TMEM232: variants seen among roughly 807,000 people sequenced by gnomAD.
TMEM232 encodes the protein transmembrane protein 232.
In TMEM232, 80 loss-of-function variants were observed where a neutral mutation model predicts 78.8. The observed-to-expected ratio is 1.01, with a 90% confidence interval of 0.85 to 1.22. The LOEUF is 1.22. TMEM232 is among the 50% of genes most tolerant of loss of function. TMEM232 has a pLI of 0.00. For missense variants in TMEM232, 881 were observed against 742.2 expected (o/e 1.19, Z -2.17); for synonymous variants, 297 against 254.3 (o/e 1.17, Z -1.60).
chr5:110,482,018 A>AT (rs568265931), intron 12 of TMEM232, among the ~76,000 whole-genome samples: 1 of 152,112 alleles, frequency 6.6e-6, no homozygotes, highest in Non-Finnish European at 1.5e-5. Context: ...CAAACTAAAA[A>AT]TTTTTTTAAT....
At position 110,627,891 on chromosome 5, in the gene TMEM232, A is replaced by T; in HGVS notation, c.502-11T>A. ...GACCAAATAGCCAATCTGTCAAAAG[A>T]GAAAAGAAAAATACATTTTTGTGTT... On this transcript the variant is annotated splice_polypyrimidine_tract_variant and intron_variant, in intron 5 of 13. Coordinates refer to ENST00000455884, the MANE Select transcript of TMEM232 (RefSeq NM_001039763.4). The T allele has an allele frequency of 6.7e-7, 1 of 1,481,516 alleles. No homozygotes were observed. 91.8% of individuals were successfully genotyped at this position (1,481,516 alleles called of 1,614,324 possible). A position where few individuals can be genotyped will look rare whatever the true frequency, so the allele number is the denominator to read the frequency against.
chr5:110,666,755 A>T (rs1029261265), intron 2 of TMEM232: 1 of 152,766 alleles, frequency 6.5e-6, no homozygotes, highest in African/African-American at 2.4e-5. Flanking sequence ...GGACAAGGAT[A>T]GCACAGAAAA....
At chr5:110,710,405 A>G (rs1796352566) in intron 1 of TMEM232, among the ~76,000 whole-genome samples, 1 of 152,148 alleles carries the variant, frequency 6.6e-6, no homozygotes, top group East Asian at 1.9e-4. Context: ...TGAGGCCAGT[A>G]TTACTCTCAC....
At position 110,667,213 on chromosome 5, in the gene TMEM232, T is replaced by C. The variant is rs1390977345; in HGVS notation, c.125+15A>G. On this transcript the variant is annotated intron_variant, in intron 2 of 13. Transcript: ENST00000455884. ...CTACAATACATATGGGTCCTATAATTATTTTCTAGCTTACCTTGATTTATG... is the reference window on the plus strand; with the variant it reads ...CTACAATACATATGGGTCCTATAATCATTTTCTAGCTTACCTTGATTTATG... The C allele has an allele frequency of 5.9e-6, 9 of 1,533,780 alleles. No individual in the cohort carries two copies. The highest frequency in any genetic ancestry group is 7.9e-6 in the Non-Finnish European group (9 of 1,136,806).
At chr5:110,407,764 C>T (rs1369293849) in intron 2 of TMEM232, among the ~76,000 whole-genome samples, 2 of 152,050 alleles carry the variant, frequency 1.3e-5, no homozygotes, top group African/African-American at 4.8e-5. Flanking sequence ...CAGAAGAGAC[C>T]ACATGTTAAG....
At chr5:110,626,260 T>G (rs1784413694) in intron 6 of TMEM232, among the ~76,000 whole-genome samples, 2 of 152,076 alleles carry the variant, frequency 1.3e-5, no homozygotes, top group Non-Finnish European at 1.5e-5. Flanking sequence ...CAAATAATTT[T>G]TCAAAGTTGA....
intron 2 of TMEM232, among the ~76,000 whole-genome samples, chr5:110,733,766 G>A (rs758972978): frequency 5.9e-5 from 9 of 152,080 alleles, no homozygotes; most frequent in Non-Finnish European, 1.3e-4. Flanking sequence ...GAAATAACCT[G>A]TACAACAAAC....
Position 110,668,249 on chromosome 5 carries a change from C to T in TMEM232, c.-12-885G>A, listed in dbSNP as rs192963505. Among the ~76,000 whole-genome samples the T allele has an allele frequency of 2.2e-4, 33 of 152,188 alleles. 1 individual carries two copies. Among genetic ancestry groups the T allele is most frequent in the Admixed American group, 1.9e-3 (29 of 15,258 alleles). On this transcript the variant is annotated intron_variant, in intron 1 of 13. Transcript: ENST00000455884. ...GAAAGAACAAAATAAACTGTTATCACTCTTAGGGCTAAAGAGGAAGATAGA... is the reference window on the plus strand; with the variant it reads ...GAAAGAACAAAATAAACTGTTATCATTCTTAGGGCTAAAGAGGAAGATAGA...
intron 1 of TMEM232, among the ~76,000 whole-genome samples, chr5:110,712,702 G>A (rs1052861670): frequency 1.3e-5 from 2 of 152,050 alleles, no homozygotes; most frequent in Non-Finnish European, 2.9e-5. Context: ...TAGCCCACTC[G>A]AGGAGATACA....
chr5:110,441,320 G>A (rs1561498451), intron 12 of TMEM232, among the ~76,000 whole-genome samples: 1 of 152,098 alleles, frequency 6.6e-6, no homozygotes, highest in Non-Finnish European at 1.5e-5. Context: ...TGGTTGAGAA[G>A]CACTACCCTA....
intron 1 of TMEM232, among the ~76,000 whole-genome samples, chr5:110,719,203 A>G (rs1334292354): frequency 6.6e-6 from 1 of 151,814 alleles, no homozygotes; most frequent in Non-Finnish European, 1.5e-5. Context: ...ATATGTATAT[A>G]TATGTGTATA....
intron 1 of TMEM232, among the ~76,000 whole-genome samples, chr5:110,698,847 C>G (rs1795110587): frequency 6.6e-6 from 1 of 152,100 alleles, no homozygotes; most frequent in African/African-American, 2.4e-5. Context: ...GAATGTTTCT[C>G]TTTTCAAACC....
At chr5:110,390,709 C>T (rs987401135) in intron 3 of TMEM232, 3 of 152,168 alleles carry the variant, frequency 2.0e-5, no homozygotes, top group African/African-American at 4.8e-5. Flanking sequence ...ATAACATGAA[C>T]AAACTTACCT....
chr5:110,727,741 A>C (rs1365007974), upstream of TMEM232, among the ~76,000 whole-genome samples: 5 of 152,180 alleles, frequency 3.3e-5, no homozygotes, highest in Non-Finnish European at 5.9e-5. Context: ...TTGTTTTTTG[A>C]GTGCATTTTT....
chr5:110,438,122 C>T (rs763885797), intron 12 of TMEM232, among the ~76,000 whole-genome samples: 1 of 152,094 alleles, frequency 6.6e-6, no homozygotes, highest in Non-Finnish European at 1.5e-5. Context: ...GGAACTTGAT[C>T]TCACCTCAGT....
intron 12 of TMEM232, among the ~76,000 whole-genome samples, chr5:110,522,035 T>G (rs745447073): frequency 2.6e-5 from 4 of 152,188 alleles, no homozygotes; most frequent in Non-Finnish European, 5.9e-5. Context: ...TCTGTGAACA[T>G]TTTAGCAAGA....
intron 2 of TMEM232, among the ~76,000 whole-genome samples, chr5:110,732,251 C>T (rs184435106): frequency 1.6e-4 from 24 of 152,248 alleles, no homozygotes; most frequent in Non-Finnish European, 3.5e-4. Flanking sequence ...CCAAACTTTC[C>T]CATATTTTCC....
chr5:110,391,326 T>TGTGTGTGTGAGAGAGAGAGAGAGA (rs549361387), intron 3 of TMEM232, among the ~76,000 whole-genome samples: 7 of 139,918 alleles, frequency 5.0e-5, no homozygotes, highest in South Asian at 2.3e-4. Context: ...TGTGTGTGTG[T>TGTGTGTGTGAGAGAGAGAGAGAGA]GAGAGAGAGA....
At chr5:110,603,364 C>A (rs141264059) in intron 10 of TMEM232, among the ~76,000 whole-genome samples, 3 of 152,144 alleles carry the variant, frequency 2.0e-5, no homozygotes, top group African/African-American at 7.2e-5. Flanking sequence ...TGAGTATCCA[C>A]AGAAACGTGC....
Sources: allele counts gnomAD v4.1 joint callset (sites outside exome capture counted in the v4.1 genomes callset), GRCh38; gene constraint gnomAD v4.1.1; transcripts MANE v1.5; gene names NCBI Gene and HGNC (gene_info 2026-07-23, HGNC 2026-07-21).